CRY2: variants seen among roughly 807,000 people sequenced by gnomAD.
CRY2 encodes the protein cryptochrome circadian regulator 2, also known as cryptochrome-2.
CRY2 carries 31 observed loss-of-function variants against 69.5 expected under a neutral mutation model. The observed-to-expected ratio is 0.45, with a 90% CI of 0.34 to 0.60. The LOEUF (loss-of-function observed/expected upper bound fraction) is 0.60, where lower values mean the gene tolerates loss of function less well. Among genes scored for constraint, CRY2 ranks in the 20% least tolerant of loss-of-function variants. CRY2 has a pLI of 0.02. For synonymous variants in CRY2, 303 were observed against 312.2 expected (o/e 0.97, Z 0.31); for missense variants, 606 against 797.8 (o/e 0.76, Z 2.90).
intron 7 of CRY2, 93 bp from the exon 8 acceptor site, chr11:45,869,960 G>A (rs866995204): frequency 1.7e-5 from 26 of 1,515,696 alleles, no homozygotes; most frequent in Middle Eastern, 4.7e-4. Flanking sequence ...GCCTTCAATG[G>A]AAGGGTTTTG....
intron 1 of CRY2, among the ~76,000 whole-genome samples, chr11:45,852,575 A>G (rs920039474): frequency 2.6e-5 from 4 of 152,222 alleles, no homozygotes; most frequent in South Asian, 2.1e-4. Context: ...ATCCCTGTCT[A>G]TTGCCTCCGT....
intron 11 of CRY2, among the ~76,000 whole-genome samples, chr11:45,873,760 A>T (rs904650799): frequency 1.3e-5 from 2 of 152,256 alleles, no homozygotes; most frequent in Non-Finnish European, 2.9e-5. Flanking sequence ...AATGATACAG[A>T]CTATACAAGC....
rs2086280589 is a variant in CRY2 at position 45,860,699 on chromosome 11, C to T, written c.468-149C>T. 3 of 805,430 alleles carry T rather than the reference C, an allele frequency of 3.7e-6. No homozygotes were observed. In the Admixed American group the frequency reaches 7.3e-5, roughly 20 times the overall value. The allele number at this position is 805,430 out of a possible 1,614,324, so 49.9% of individuals were successfully genotyped here. On this transcript the variant is annotated intron_variant, in intron 3 of 11. Transcript: ENST00000616080. ...TAAAATGGAGATGCGGCCTCCCTTG[C>T]CCCCTCCTTTCCACTCAGGCATGGG...
upstream of CRY2, chr11:45,847,394 T>G (rs778795478): frequency 6.3e-7 from 1 of 1,594,750 alleles, no homozygotes; most frequent in African/African-American, 1.3e-5. Context: ...GGACTAAGGG[T>G]GGAGTTGCGG....
intron 11 of CRY2, among the ~76,000 whole-genome samples, 175 bp downstream of exon 11, chr11:45,872,408 G>T (rs947297301): frequency 2.0e-5 from 3 of 151,990 alleles, no homozygotes; most frequent in African/African-American, 7.2e-5. Flanking sequence ...TTCCATCCTG[G>T]CTTAGGGAAT....
chr11:45,863,593 C>T (rs2134638626), intron 5 of CRY2, among the ~76,000 whole-genome samples: 1 of 150,976 alleles, frequency 6.6e-6, no homozygotes, highest in African/African-American at 2.4e-5. Flanking sequence ...CTGAAGGGAG[C>T]ACCTACTCAT....
upstream of CRY2, chr11:45,847,297 G>C: frequency 6.7e-7 from 1 of 1,497,586 alleles, no homozygotes; most frequent in Non-Finnish European, 9.0e-7. Flanking sequence ...AACGTGAGGG[G>C]GCGGGCCTGT....
chr11:45,859,939 C>T (rs992954376), intron 3 of CRY2, among the ~76,000 whole-genome samples: 1 of 152,108 alleles, frequency 6.6e-6, no homozygotes, highest in Non-Finnish European at 1.5e-5. Context: ...CCTCCTGCTG[C>T]GTGCCAGAGG....
rs57461093 is a variant in CRY2 at position 45,878,920 on chromosome 11, T to TAA, written c.*3-1967_*3-1966dup. On this transcript the variant is annotated intron_variant, in intron 11 of 11. Coordinates refer to ENST00000616080, the MANE Select transcript of CRY2 (RefSeq NM_021117.5). ...GGCAACAGAACAAGACTCCATCTAT[T>TAA]AAAAAAAAAAAAAAAAAAAAAAAAA... is the stretch of plus-strand genomic sequence containing the variant. Among the ~76,000 whole-genome samples, 72 of 49,370 alleles carry TAA rather than the reference T, an allele frequency of 1.5e-3. 3 individuals carry two copies. The highest frequency in any genetic ancestry group is 6.5e-3 in the African/African-American group (58 of 8,938). The allele number at this position is 49,370 out of a possible 152,430, so 32.4% of individuals were successfully genotyped here. A position where few individuals can be genotyped will look rare whatever the true frequency, so the allele number is the denominator to read the frequency against.
chr11:45,870,542 C>T lies in CRY2; in HGVS notation c.1549+10C>T. The T allele has an allele frequency of 6.2e-7, 1 of 1,613,528 alleles. No homozygotes were observed. ...CGCTACCGGGGACTCTGTAAGGAGA[C>T]AAACACCTAGCTCACTGAAGGGAAG... On this transcript the variant is annotated intron_variant, in intron 9 of 11. Transcript: ENST00000616080.
intron 11 of CRY2, among the ~76,000 whole-genome samples, chr11:45,873,687 C>G (rs944376482): frequency 6.6e-6 from 1 of 152,120 alleles, no homozygotes; most frequent in African/African-American, 2.4e-5. Context: ...ATGTGCTGTC[C>G]ATCCATAAGG....
chr11:45,882,047 A>G lies in CRY2; in HGVS notation c.*1136A>G, dbSNP rs1238863918. 1 of 152,298 alleles carries G rather than the reference A, an allele frequency of 6.6e-6. No individual in the cohort carries two copies. The highest frequency in any genetic ancestry group is 1.5e-5 in the Non-Finnish European group (1 of 68,090). The allele number at this position is 152,298 out of a possible 1,614,324, so 9.4% of individuals were successfully genotyped here. A position where few individuals can be genotyped will look rare whatever the true frequency, so the allele number is the denominator to read the frequency against. ...AGGGGCAGTTGGCAAAAGTCCAAGT[A>G]GAGATTACACCCAGAACACCATTCC... On this transcript the variant is annotated 3_prime_UTR_variant, in exon 12 of 12. Coordinates refer to ENST00000616080, the MANE Select transcript of CRY2 (RefSeq NM_021117.5).
intron 1 of CRY2, among the ~76,000 whole-genome samples, chr11:45,848,801 T>G (rs905469597): frequency 4.6e-5 from 7 of 152,212 alleles, no homozygotes; most frequent in African/African-American, 1.7e-4. Flanking sequence ...CACCATTCTT[T>G]TCTCTCCAAG....
rs1370599902 is a variant in CRY2, at chr11:45,849,667, C to A, written c.215+1962C>A. Among the ~76,000 whole-genome samples the A allele has an allele frequency of 2.0e-5, 3 of 146,734 alleles. No homozygotes were observed. In the East Asian group the frequency reaches 6.0e-4, roughly 29 times the overall value. On this transcript the variant is annotated intron_variant, in intron 1 of 11. Coordinates refer to ENST00000616080, the MANE Select transcript of CRY2 (RefSeq NM_021117.5). Reference sequence around the variant, plus strand: ...CGGAGTTTTGTTCTTGTTGCCCAGGCTAGAGTACAATGGCGCAGTCTGGAC... The same window carrying A: ...CGGAGTTTTGTTCTTGTTGCCCAGGATAGAGTACAATGGCGCAGTCTGGAC...
At chr11:45,871,558 G>C (rs1471448073) in intron 10 of CRY2, among the ~76,000 whole-genome samples, 1 of 152,208 alleles carries the variant, frequency 6.6e-6, no homozygotes, top group Non-Finnish European at 1.5e-5. Flanking sequence ...GGCACAGGGA[G>C]GCCAGAGAGG....
At chr11:45,854,582 G>A (rs191792736) in intron 1 of CRY2, among the ~76,000 whole-genome samples, 175 of 152,268 alleles carry the variant, frequency 1.1e-3, no homozygotes, top group African/African-American at 4.1e-3. Flanking sequence ...CCAGCTACTC[G>A]GAAAGCTGAG....
Position 45,861,013 on chromosome 11 carries a change from G to C in CRY2, c.633G>C (p.Val211=). Residue 211 remains valine (V), a synonymous_variant, in exon 4 of 12, where the codon GTG becomes GTC. Coordinates refer to ENST00000616080, the MANE Select transcript of CRY2 (RefSeq NM_021117.5). ...IQENHDETYG[V]PSLEELGFPT... is the part of the protein sequence containing the mutation. ...AGAACCACGACGAGACCTACGGCGT[G>C]CCCTCCCTGGAGGAGCTGGGTGCGT... 6.2e-7 allele frequency: 1 copy of C among 1,613,096 alleles called. No individual in the cohort carries two copies. The highest frequency in any genetic ancestry group is 8.5e-7 in the Non-Finnish European group (1 of 1,179,908).
chr11:45,879,874 G>T (rs1049010979), intron 11 of CRY2, among the ~76,000 whole-genome samples: 1 of 152,206 alleles, frequency 6.6e-6, no homozygotes, highest in African/African-American at 2.4e-5. Flanking sequence ...CCTCTCTGTG[G>T]CTTATAAACA....
chr11:45,847,464 G>A, upstream of CRY2: 2 of 1,597,398 alleles, frequency 1.3e-6, no homozygotes, highest in Non-Finnish European at 1.7e-6. Flanking sequence ...GGGCGGAGCG[G>A]GGGTGGCTGG....
Sources: gnomAD v4.1 joint callset for allele counts (sites outside exome capture counted in the v4.1 genomes callset) on GRCh38, gnomAD v4.1.1 for gene constraint, MANE v1.5 for transcripts, NCBI Gene and HGNC (gene_info 2026-07-23, HGNC 2026-07-21) for gene names.